The following GRIP1 variants were observed in gnomAD, a reference collection of about 807,000 sequenced individuals.
The protein encoded by GRIP1 is glutamate receptor interacting protein 1, also known as glutamate receptor-interacting protein 1.
Under a neutral mutation model 129.9 loss-of-function variants are expected in GRIP1, and 45 were observed. That is an observed-to-expected ratio of 0.35 (90% CI 0.27 to 0.44). GRIP1 has a LOEUF of 0.44. GRIP1 is among the 20% of genes least tolerant of loss of function. GRIP1 has a pLI of 1.00. For synonymous variants in GRIP1, 530 were observed against 520.8 expected, an observed-to-expected ratio of 1.02 and a Z score of -0.24; for missense variants, 1,196 against 1,396.8, an observed-to-expected ratio of 0.86 and a Z score of 2.29.
chr12:66,758,860 C>A (rs2037383037), intron 1 of GRIP1, among the ~76,000 whole-genome samples: 1 of 152,202 alleles, frequency 6.6e-6, no homozygotes, highest in Admixed American at 6.5e-5. Flanking sequence ...TTCCCATGGT[C>A]TTGGGCAGCT....
chr12:66,771,253 T>C (rs2037808605), intron 1 of GRIP1, among the ~76,000 whole-genome samples: 1 of 152,170 alleles, frequency 6.6e-6, no homozygotes, highest in South Asian at 2.1e-4. Flanking sequence ...AATTCTTAAA[T>C]TCGTTTTTAA....
At chr12:66,871,747 T>C (rs1377751155) in intron 1 of GRIP1, among the ~76,000 whole-genome samples, 1 of 152,174 alleles carries the variant, frequency 6.6e-6, no homozygotes, top group South Asian at 2.1e-4. Flanking sequence ...GATAATATTT[T>C]CCCCAATCTC....
chr12:66,886,915 G>T (rs1310674269), intron 1 of GRIP1, among the ~76,000 whole-genome samples: 1 of 152,118 alleles, frequency 6.6e-6, no homozygotes, highest in Non-Finnish European at 1.5e-5. Context: ...GTCTCAACAG[G>T]TATAGGAATT....
chr12:67,018,998 A>G (rs2042826945), intron 1 of GRIP1, among the ~76,000 whole-genome samples: 1 of 152,128 alleles, frequency 6.6e-6, no homozygotes, highest in Non-Finnish European at 1.5e-5. Context: ...TACTTCAGGG[A>G]GAAGTTGACT....
intron 1 of GRIP1, among the ~76,000 whole-genome samples, chr12:66,722,511 A>G (rs774040357): frequency 2.6e-5 from 4 of 152,198 alleles, no homozygotes; most frequent in Non-Finnish European, 4.4e-5. Flanking sequence ...TCACCATAAC[A>G]GATATAATAA....
chr12:66,619,414 C>T (rs56307984), intron 1 of GRIP1, among the ~76,000 whole-genome samples: 13,057 of 152,030 alleles, frequency 0.086, 959 homozygotes, highest in African/African-American at 0.2. Context: ...AGAGCCATTA[C>T]GGGTAGATTT....
At chr12:66,789,691 G>T (rs2038467480) in intron 1 of GRIP1, among the ~76,000 whole-genome samples, 1 of 151,914 alleles carries the variant, frequency 6.6e-6, no homozygotes, top group African/African-American at 2.4e-5. Flanking sequence ...AAACATAGCT[G>T]TTTTGATCAC....
chr12:66,606,546 T>A (rs1362413010), intron 1 of GRIP1, among the ~76,000 whole-genome samples: 1 of 152,190 alleles, frequency 6.6e-6, no homozygotes, highest in East Asian at 1.9e-4. Flanking sequence ...AGAGCATTCA[T>A]GAGATGCCAA....
intron 1 of GRIP1, among the ~76,000 whole-genome samples, chr12:66,881,341 G>A (rs1429216219): frequency 6.6e-6 from 1 of 152,168 alleles, no homozygotes; most frequent in Non-Finnish European, 1.5e-5. Context: ...AAGGGTAAAA[G>A]GCTTAAAGCA....
At chr12:66,781,122 G>A (rs1592839272) in intron 1 of GRIP1, among the ~76,000 whole-genome samples, 1 of 152,118 alleles carries the variant, frequency 6.6e-6, no homozygotes, top group Non-Finnish European at 1.5e-5. Flanking sequence ...ATTCTGTCTC[G>A]TGGTAACATT....
chr12:67,012,343 A>G (rs2042721923), intron 1 of GRIP1, among the ~76,000 whole-genome samples: 1 of 152,176 alleles, frequency 6.6e-6, no homozygotes, highest in Admixed American at 6.6e-5. Flanking sequence ...GACCAAAAAT[A>G]TGCACAGACT....
chr12:66,552,478 G>A (rs2062174561), intron 2 of GRIP1, among the ~76,000 whole-genome samples: 1 of 152,018 alleles, frequency 6.6e-6, no homozygotes, highest in Admixed American at 6.6e-5. Context: ...TGTAAAGAAG[G>A]GCATACTACC....
chr12:66,791,601 G>C (rs2038539241), intron 1 of GRIP1, among the ~76,000 whole-genome samples: 1 of 151,792 alleles, frequency 6.6e-6, no homozygotes, highest in Non-Finnish European at 1.5e-5. Context: ...TACTTGAGGG[G>C]CCTGGTATCA....
At chr12:66,918,379 C>T (rs1032301986) in intron 1 of GRIP1, among the ~76,000 whole-genome samples, 4 of 152,120 alleles carry the variant, frequency 2.6e-5, no homozygotes, top group Non-Finnish European at 5.9e-5. Context: ...TAGGGAGGGC[C>T]ATCTTATTTT....
chr12:66,633,416 GC>G (rs1227944554), intron 1 of GRIP1, among the ~76,000 whole-genome samples: 1 of 151,518 alleles, frequency 6.6e-6, no homozygotes, highest in Non-Finnish European at 1.5e-5. Context: ...CTCCCAAAGT[GC>G]TGGGATTACA....
At chr12:66,774,505 A>G (rs1390077288) in intron 1 of GRIP1, among the ~76,000 whole-genome samples, 1 of 152,210 alleles carries the variant, frequency 6.6e-6, no homozygotes, top group Non-Finnish European at 1.5e-5. Context: ...ACAGGGACAC[A>G]CTTGTCTTAA....
At chr12:66,556,891 A>C (rs894214918) in intron 2 of GRIP1, among the ~76,000 whole-genome samples, 3 of 152,056 alleles carry the variant, frequency 2.0e-5, no homozygotes. Context: ...CACTAAAAGG[A>C]AGACAGGAAG....
intron 2 of GRIP1, among the ~76,000 whole-genome samples, chr12:66,570,131 A>ATGTATGTATGTATG (rs1283903441): frequency 1.4e-5 from 2 of 145,008 alleles, no homozygotes; most frequent in African/African-American, 5.4e-5. Flanking sequence ...ATGTATGTAT[A>ATGTATGTATGTATG]TATTAGAGAC....
intron 2 of GRIP1, among the ~76,000 whole-genome samples, chr12:66,592,976 T>C (rs1399583154): frequency 6.6e-6 from 1 of 152,160 alleles, no homozygotes; most frequent in African/African-American, 2.4e-5. Context: ...AGAAATGAAA[T>C]TGAAAATACA....
Sources: gnomAD v4.1 joint callset for allele counts (sites outside exome capture counted in the v4.1 genomes callset) on GRCh38, gnomAD v4.1.1 for gene constraint, MANE v1.5 for transcripts, NCBI Gene and HGNC (gene_info 2026-07-23, HGNC 2026-07-21) for gene names.